The following CCDC181 variants were observed in gnomAD, a reference collection of about 807,000 sequenced individuals.
The protein encoded by CCDC181 is coiled-coil domain containing 181, also known as coiled-coil domain-containing protein 181.
Under a neutral mutation model 58.7 loss-of-function variants are expected in CCDC181, and 35 were observed. The observed-to-expected ratio is 0.60, with a 90% CI of 0.46 to 0.79. CCDC181 has a LOEUF of 0.79. CCDC181 is among the 30% of genes least tolerant of loss of function. The probability of loss-of-function intolerance (pLI) is 0.00; values close to 1 mark genes in which losing one functional copy is unlikely to be tolerated. For synonymous variants in CCDC181, 183 were observed against 197.5 expected (o/e 0.93, Z 0.62); for missense variants, 517 against 583.9 (o/e 0.89, Z 1.18).
chr1:169,438,092 C>T (rs1039410311), intron 2 of CCDC181, among the ~76,000 whole-genome samples: 1 of 152,118 alleles, frequency 6.6e-6, no homozygotes, highest in African/African-American at 2.4e-5. Flanking sequence ...TGTAGGTGTC[C>T]TAAACCCATG....
intron 2 of CCDC181, 94 bp from the exon 3 acceptor site, chr1:169,422,407 A>G: frequency 1.1e-6 from 1 of 879,626 alleles, no homozygotes; most frequent in Non-Finnish European, 1.7e-6. Flanking sequence ...AATTTATTTT[A>G]TGAATGGGAA....
rs772035986 is a variant in CCDC181 at position 169,422,120 on chromosome 1, A to C, written c.311T>G (p.Phe104Cys). 2.5e-6 allele frequency: 4 copies of C among 1,613,470 alleles called. No homozygotes were observed. Among genetic ancestry groups the C allele is most frequent in the Non-Finnish European group, 3.4e-6 (4 of 1,179,616 alleles). The change falls in exon 3 of 6, where the codon TTC (phenylalanine) becomes TGC (cysteine). Residue 104 changes from phenylalanine (F) to cysteine (C), a missense_variant. Physicochemically the swap from Phe to Cys is radical, Grantham distance 205 (BLOSUM62 -2). Transcript: ENST00000367806. ...PISDSDSENS[F>C]QESKLESQKD... The stretch of plus-strand genomic sequence containing the variant: ...CTGGCTTTCTAGTTTGGATTCCTGG[A>C]AAGAGTTTTCACTATCTGAATCTGA...
intron 2 of CCDC181, among the ~76,000 whole-genome samples, chr1:169,458,708 A>G (rs1012182582): frequency 2.0e-5 from 3 of 152,078 alleles, no homozygotes; most frequent in African/African-American, 7.2e-5. Flanking sequence ...TTTTATACAT[A>G]TTTATTTTAT....
At chr1:169,439,995 A>C (rs1380919056) in intron 2 of CCDC181, among the ~76,000 whole-genome samples, 3 of 151,630 alleles carry the variant, frequency 2.0e-5, no homozygotes, top group Non-Finnish European at 4.4e-5. Flanking sequence ...TGGGCTTTTT[A>C]TGGGTACAGG....
chr1:169,445,816 T>C (rs993099677), intron 2 of CCDC181, among the ~76,000 whole-genome samples: 10 of 152,180 alleles, frequency 6.6e-5, no homozygotes, highest in African/African-American at 2.4e-4. Context: ...TTTTAATAGA[T>C]ATAGGTCTAT....
At chr1:169,432,660 A>C (rs1656951757) in intron 2 of CCDC181, among the ~76,000 whole-genome samples, 2 of 152,142 alleles carry the variant, frequency 1.3e-5, no homozygotes, top group Non-Finnish European at 2.9e-5. Context: ...CACCATGGCC[A>C]AAAGTGATTT....
chr1:169,437,807 G>C (rs1234846064), intron 2 of CCDC181, among the ~76,000 whole-genome samples: 3 of 152,188 alleles, frequency 2.0e-5, no homozygotes, highest in Non-Finnish European at 4.4e-5. Flanking sequence ...TAAAGGAACA[G>C]TGTACTATAA....
intron 4 of CCDC181, among the ~76,000 whole-genome samples, chr1:169,407,786 G>A (rs1195329582): frequency 1.3e-5 from 2 of 152,168 alleles, no homozygotes; most frequent in African/African-American, 2.4e-5. Flanking sequence ...AGGGTGAGCC[G>A]AGGCAGGGTG....
Position 169,421,723 on chromosome 1 carries a change from C to T in CCDC181, c.708G>A (p.Gln236=), listed in dbSNP as rs758157162. ...CATTATTAATGGGAGGCAAAAACCC[C>T]TGACTGGCAATGTCTTGTAAATTCA... The part of the protein sequence containing the change: ...ELLNLQDIAS[Q]GFLPPINNAN... Residue 236 remains glutamine, a synonymous_variant, in exon 3 of 6, where the codon CAG becomes CAA. Coordinates refer to ENST00000367806, the MANE Select transcript of CCDC181 (RefSeq NM_001300969.2). 29 of 1,614,052 alleles carry T rather than the reference C, an allele frequency of 1.8e-5. No homozygotes were observed. Among genetic ancestry groups the T allele is most frequent in the Non-Finnish European group, 2.3e-5 (27 of 1,180,010 alleles).
At position 169,419,044 on chromosome 1, in the gene CCDC181, C is replaced by T. The variant is rs200950920; in HGVS notation, c.1184G>A (p.Arg395Gln). 5.9e-5 allele frequency: 96 copies of T among 1,613,562 alleles called. No individual in the cohort carries two copies. Among genetic ancestry groups the T allele is most frequent in the Non-Finnish European group, 7.2e-5 (85 of 1,179,846 alleles). The change falls in exon 4 of 6, where the codon CGA (arginine) becomes CAA (glutamine). Residue 395 changes from arginine to glutamine, a missense_variant. By Grantham distance (43) the Arg-to-Gln change is conservative (BLOSUM62 1). Coordinates refer to ENST00000367806, the MANE Select transcript of CCDC181 (RefSeq NM_001300969.2). ...EQVLEMRRIQ[R>Q]AKEIEDMNSR... ...GTTCATGTCTTCAATTTCCTTTGCT[C>T]GCTGAATTCTCCTCATTTCTAAGAC... is the stretch of plus-strand genomic sequence containing the variant.
chr1:169,434,543 T>G (rs956492532), intron 2 of CCDC181, among the ~76,000 whole-genome samples: 1 of 152,004 alleles, frequency 6.6e-6, no homozygotes, highest in Non-Finnish European at 1.5e-5. Context: ...AAGTGACCAT[T>G]GACAGATGAA....
Position 169,421,794 on chromosome 1 carries a change from T to G in CCDC181, c.637A>C (p.Lys213Gln), listed in dbSNP as rs1462738303. ...SLTNGSCEEN[K>Q]DRTILVERDG... ...CTCTCTACCAGTATTGTCCTATCCT[T>G]GTTTTCTTCACAGCTTCCATTAGTA... The change falls in exon 3 of 6, where the codon AAG becomes CAG. Residue 213 changes from lysine (K) to glutamine (Q), a missense_variant. By Grantham distance (53) the Lys-to-Gln change is moderately conservative. Coordinates refer to ENST00000367806, the MANE Select transcript of CCDC181 (RefSeq NM_001300969.2). 6.2e-7 allele frequency: 1 copy of G among 1,614,068 alleles called. No individual in the cohort carries two copies. Among genetic ancestry groups the G allele is most frequent in the African/African-American group, 1.3e-5 (1 of 74,946 alleles).
At chr1:169,420,209 CAAA>C (rs1287914635) in intron 3 of CCDC181, among the ~76,000 whole-genome samples, 1 of 152,102 alleles carries the variant, frequency 6.6e-6, no homozygotes, top group Non-Finnish European at 1.5e-5. Context: ...ATGTCATTCT[CAAA>C]AAATTATTTT....
intron 2 of CCDC181, among the ~76,000 whole-genome samples, chr1:169,446,846 A>G (rs1487443555): frequency 6.6e-6 from 1 of 152,188 alleles, no homozygotes; most frequent in Non-Finnish European, 1.5e-5. Flanking sequence ...ATGGATACTG[A>G]GAAATGACCA....
At chr1:169,459,986 C>G (rs906400875) in intron 1 of CCDC181, 13 of 147,400 alleles carry the variant, frequency 8.8e-5, no homozygotes, top group Admixed American at 3.4e-4. Context: ...GATGAGCAAA[C>G]TTAGAGGTTT....
chr1:169,404,789 A>AG (rs1315794977), intron 4 of CCDC181, among the ~76,000 whole-genome samples: 3 of 152,236 alleles, frequency 2.0e-5, no homozygotes, highest in Non-Finnish European at 4.4e-5. Context: ...TATTCAACAT[A>AG]GTGTTGGAAG....
chr1:169,418,954 A>G (rs749802712), intron 4 of CCDC181, 59 bp downstream of exon 4: 109 of 1,409,256 alleles, frequency 7.7e-5, no homozygotes, highest in African/African-American at 2.8e-4. Flanking sequence ...ACTCCCTTCT[A>G]TAAATAAGTT....
chr1:169,445,342 G>T (rs146687293), intron 2 of CCDC181, among the ~76,000 whole-genome samples: 1 of 151,750 alleles, frequency 6.6e-6, no homozygotes, highest in South Asian at 2.1e-4. Context: ...GAGAGATTTT[G>T]TCATGAATGA....
intron 4 of CCDC181, among the ~76,000 whole-genome samples, chr1:169,413,732 A>G (rs1656084987): frequency 2.0e-5 from 3 of 152,280 alleles, no homozygotes; most frequent in Middle Eastern, 3.4e-3. Context: ...ACATCAATGA[A>G]GCTGGAAGCC....
Sources: gnomAD v4.1 joint callset for allele counts (sites outside exome capture counted in the v4.1 genomes callset) on GRCh38, gnomAD v4.1.1 for gene constraint, MANE v1.5 for transcripts, NCBI Gene and HGNC (gene_info 2026-07-23, HGNC 2026-07-21) for gene names.